Variants in TCF20 observed in about 807,000 individuals in gnomAD.
The protein encoded by TCF20 is SPRE-binding protein.
In TCF20, 3 loss-of-function variants were observed where a neutral mutation model predicts 148.6. The ratio of observed to expected loss-of-function variants is 0.02; its 90% CI spans 0.01 to 0.05. The LOEUF (loss-of-function observed/expected upper bound fraction) is 0.05. Ranked by LOEUF, TCF20 falls within the 10% of genes least tolerant of loss-of-function variation. TCF20 has a pLI of 1.00. For synonymous variants in TCF20, 1,049 were observed against 909.5 expected (o/e 1.15, Z -2.76); for missense variants, 2,350 against 2,429.3 (o/e 0.97, Z 0.69).
At chr22:42,322,387 A>G (rs908252881) in intron 1 of TCF20, among the ~76,000 whole-genome samples, 2 of 151,734 alleles carry the variant, frequency 1.3e-5, no homozygotes, top group East Asian at 1.9e-4. Context: ...CAGCCGTCAG[A>G]GAGAGGAGAA....
Position 42,259,509 on chromosome 22 carries a change from T to C in TCF20, c.-37+10830A>G, listed in dbSNP as rs527322323. On this transcript the variant is annotated intron_variant, in intron 1 of 5. Transcript: ENST00000677622. ...AGTTCCTTCTCCTAAATGGCAGATC[T>C]GTGCTCAAACACGTGATGTCTTACA... is the stretch of plus-strand genomic sequence containing the variant. 2.6e-5 allele frequency among the ~76,000 whole-genome samples: 4 copies of C among 152,372 alleles called. No homozygotes were observed. The South Asian group carries it at 6.2e-4, about 24-fold the overall frequency.
Position 42,214,346 on chromosome 22 carries a change from T to C in TCF20, c.960A>G (p.Gln320=), listed in dbSNP as rs765850209. 6 of 1,613,842 alleles carry C rather than the reference T, an allele frequency of 3.7e-6. No homozygotes were observed. Among genetic ancestry groups the C allele is most frequent in the Admixed American group, 3.3e-5 (2 of 60,008 alleles). The change falls in exon 2 of 6, where the codon CAA becomes CAG. Residue 320 remains glutamine, a synonymous_variant. Coordinates refer to ENST00000677622, the MANE Select transcript of TCF20 (RefSeq NM_001378418.1). ...QQGQQQQQPQ[Q]QQHPSQHVMQ... is the part of the protein sequence containing the mutation. ...TCACATGCTGAGAAGGGTGTTGTTG[T>C]TGCTGCGGTTGCTGCTGCTGCTGCC...
In TCF20 at chr22:42,209,239, G is replaced by C. The variant is rs139334430; in HGVS notation, c.5655+412C>G. ...TAAAGGATGATGCACGCCCTTAAAT[G>C]AAGGCTCACTTTAAGAATGAGGAAG... is the stretch of plus-strand genomic sequence containing the variant. On this transcript the variant is annotated intron_variant, in intron 2 of 5. Coordinates refer to ENST00000677622, the MANE Select transcript of TCF20 (RefSeq NM_001378418.1). Among the ~76,000 whole-genome samples the C allele has an allele frequency of 2.0e-5, 3 of 152,266 alleles. No homozygotes were observed. In the East Asian group the frequency reaches 5.8e-4, roughly 29 times the overall value.
Position 42,201,767 on chromosome 22 carries a change from C to CA in TCF20, c.5655+7883dup, listed in dbSNP as rs150870558. On this transcript the variant is annotated intron_variant, in intron 2 of 5. Coordinates refer to ENST00000677622, the MANE Select transcript of TCF20 (RefSeq NM_001378418.1). Reference sequence around the variant, plus strand: ...TGGGGGATAGAGGAAGACTCAGTCTCAAAAAAAAAACAAAACCAAACCAAA... The same window carrying CA: ...TGGGGGATAGAGGAAGACTCAGTCTCAAAAAAAAAAACAAAACCAAACCAAA... 9.2e-3 allele frequency among the ~76,000 whole-genome samples: 1,316 copies of CA among 143,458 alleles called. 5 individuals carry two copies. Among genetic ancestry groups the CA allele is most frequent in the African/African-American group, 0.023 (894 of 39,150 alleles). 94.1% of individuals were successfully genotyped at this position (143,458 alleles called of 152,430 possible).
At chr22:42,296,451 G>A (rs1927238726) in intron 1 of TCF20, among the ~76,000 whole-genome samples, 1 of 152,258 alleles carries the variant, frequency 6.6e-6, no homozygotes, top group Non-Finnish European at 1.5e-5. Flanking sequence ...GCTCCCCAAG[G>A]GCCATGAGGG....
At chr22:42,194,234 T>C (rs1007163585) in intron 2 of TCF20, among the ~76,000 whole-genome samples, 9 of 152,196 alleles carry the variant, frequency 5.9e-5, no homozygotes, top group Admixed American at 5.9e-4. Context: ...TTTGTTGGCA[T>C]ATTCACCTTA....
At chr22:42,191,490 T>C (rs562854218) in intron 2 of TCF20, among the ~76,000 whole-genome samples, 1 of 152,306 alleles carries the variant, frequency 6.6e-6, no homozygotes, top group East Asian at 1.9e-4. Flanking sequence ...GGTTTCACCA[T>C]ATTGGCCAGG....
intron 1 of TCF20, among the ~76,000 whole-genome samples, chr22:42,267,780 G>A (rs1472282910): frequency 6.6e-6 from 1 of 152,142 alleles, no homozygotes; most frequent in Non-Finnish European, 1.5e-5. Flanking sequence ...AACTGTCTCC[G>A]AAGTCAATAA....
At chr22:42,198,827 A>C (rs1334388249) in intron 2 of TCF20, among the ~76,000 whole-genome samples, 1 of 151,950 alleles carries the variant, frequency 6.6e-6, no homozygotes, top group African/African-American at 2.4e-5. Context: ...ACGTCCAGCT[A>C]ATTTTTTTTG....
At chr22:42,273,360 CAAAAAAAAAAAAAA>C (rs35166029), upstream of TCF20, among the ~76,000 whole-genome samples, 3 of 61,266 alleles carry the variant, frequency 4.9e-5, no homozygotes, top group East Asian at 1.2e-3. Context: ...AACTCCGTCT[CAAAAAAAAAAAAAA>C]AAAAAAAAAA....
chr22:42,319,143 C>T (rs570305816), intron 1 of TCF20, among the ~76,000 whole-genome samples: 2 of 152,184 alleles, frequency 1.3e-5, no homozygotes, highest in African/African-American at 4.8e-5. Context: ...GGTATGTGAC[C>T]GTCACACGTA....
chr22:42,247,313 G>A (rs1267536427), intron 1 of TCF20, among the ~76,000 whole-genome samples: 5 of 151,494 alleles, frequency 3.3e-5, no homozygotes, highest in African/African-American at 7.3e-5. Flanking sequence ...GGTGGCAGGC[G>A]CCTGTAATCC....
chr22:42,271,015 C>T (rs1926596972), upstream of TCF20, among the ~76,000 whole-genome samples: 1 of 152,224 alleles, frequency 6.6e-6, no homozygotes, highest in South Asian at 2.1e-4. Flanking sequence ...TCTGGAGTTC[C>T]CTGGAGCCTC....
chr22:42,313,262 C>G (rs1410475990), intron 1 of TCF20, among the ~76,000 whole-genome samples: 2 of 152,344 alleles, frequency 1.3e-5, no homozygotes, highest in East Asian at 3.9e-4. Flanking sequence ...GGGTCTCAAC[C>G]CAATCCCGCT....
At chr22:42,161,743 C>T (rs1245900552) in intron 5 of TCF20, among the ~76,000 whole-genome samples, 1 of 152,224 alleles carries the variant, frequency 6.6e-6, no homozygotes, top group African/African-American at 2.4e-5. Context: ...CTGAAACCTA[C>T]AGTACCTGGT....
At chr22:42,190,122 T>G (rs1001486690) in intron 2 of TCF20, among the ~76,000 whole-genome samples, 127 of 151,860 alleles carry the variant, frequency 8.4e-4, no homozygotes, top group African/African-American at 2.9e-3. Flanking sequence ...AAGGGCACGG[T>G]GGGGGTATCT....
At chr22:42,231,335 G>A (rs755692484) in intron 1 of TCF20, among the ~76,000 whole-genome samples, 4 of 151,960 alleles carry the variant, frequency 2.6e-5, no homozygotes, top group Admixed American at 2.0e-4. Flanking sequence ...CTAAAAAAAC[G>A]TAGCCAAGCA....
chr22:42,280,510 TTA>T, intron 1 of TCF20, among the ~76,000 whole-genome samples: 1 of 152,346 alleles, frequency 6.6e-6, no homozygotes, highest in Admixed American at 6.5e-5. Context: ...CTGCACACTT[TTA>T]GTTTCTAGGC....
rs1158092986 is a variant in TCF20, at chr22:42,211,766, G to A, written c.3540C>T (p.Gly1180=). The A allele has an allele frequency of 1.3e-5, 21 of 1,614,064 alleles. No individual in the cohort carries two copies. Among genetic ancestry groups the A allele is most frequent in the Non-Finnish European group, 1.8e-5 (21 of 1,180,030 alleles). Residue 1180 remains glycine, a synonymous_variant, in exon 2 of 6, where the codon GGC becomes GGT. Transcript: ENST00000677622. ...LPNKGMELKH[G]SQKLQESCWD... is the part of the protein sequence containing the mutation. ...AACAGGATTCTTGTAACTTCTGGGA[G>A]CCATGCTTTAATTCCATGCCCTTGT...
Sources: gnomAD v4.1 joint callset for allele counts (sites outside exome capture counted in the v4.1 genomes callset) on GRCh38, gnomAD v4.1.1 for gene constraint, MANE v1.5 for transcripts, NCBI Gene and HGNC (gene_info 2026-07-23, HGNC 2026-07-21) for gene names.